KDM2B: variants seen among roughly 807,000 people sequenced by gnomAD.
KDM2B encodes lysine-specific demethylase 2B.
In KDM2B, 26 loss-of-function variants were observed where a neutral mutation model predicts 150.0. The observed-to-expected ratio is 0.17, with a 90% CI of 0.13 to 0.24. The LOEUF is 0.24. Ranked by LOEUF, KDM2B falls within the 10% of genes least tolerant of loss-of-function variation. The pLI is 1.00. For missense variants in KDM2B, 1,265 were observed against 1,816.9 expected (o/e 0.70, Z 5.52); for synonymous variants, 734 against 729.5 (o/e 1.01, Z -0.10).
intron 12 of KDM2B, among the ~76,000 whole-genome samples, chr12:121,487,351 G>C (rs1015207772): frequency 1.3e-5 from 2 of 152,152 alleles, no homozygotes; most frequent in African/African-American, 4.8e-5. Context: ...CCAGACTCCA[G>C]ACTCCATAAA....
chr12:121,545,089 A>C (rs1888921755), intron 6 of KDM2B, among the ~76,000 whole-genome samples: 1 of 152,128 alleles, frequency 6.6e-6, no homozygotes, highest in Admixed American at 6.6e-5. Context: ...TGAAAGCTCC[A>C]TGATTTCTAG....
At chr12:121,501,474 C>A (rs1555301918) in intron 11 of KDM2B, among the ~76,000 whole-genome samples, 1 of 152,120 alleles carries the variant, frequency 6.6e-6, no homozygotes, top group Non-Finnish European at 1.5e-5. Flanking sequence ...CCAAGGAATA[C>A]CAAGAGCTGC....
Position 121,444,066 on chromosome 12 carries a change from G to A in KDM2B, c.2397C>T (p.His799=), listed in dbSNP as rs782738460. ...TCTCGTATTTCCGCTTCTTCCTCAG[G>A]TGCACGTCGTCAGACTTTCTGCGCA... is the stretch of plus-strand genomic sequence containing the variant. ...GLLRRKSDDV[H]LRKKRKYEKP... Residue 799 remains histidine (H), a synonymous_variant, in exon 16 of 23, where the codon CAC becomes CAT. Coordinates refer to ENST00000377071, the MANE Select transcript of KDM2B (RefSeq NM_032590.5). The A allele has an allele frequency of 3.7e-6, 6 of 1,613,804 alleles. No homozygotes were observed. The highest frequency in any genetic ancestry group is 5.1e-6 in the Non-Finnish European group (6 of 1,179,988).
intron 4 of KDM2B, among the ~76,000 whole-genome samples, chr12:121,573,828 C>A (rs1891302459): frequency 1.3e-5 from 2 of 152,074 alleles, no homozygotes; most frequent in South Asian, 4.2e-4. Context: ...ACCTCATGAT[C>A]CACCCGCCTC....
intron 8 of KDM2B, among the ~76,000 whole-genome samples, chr12:121,530,665 A>G (rs1409111297): frequency 1.3e-5 from 2 of 152,014 alleles, no homozygotes; most frequent in Non-Finnish European, 2.9e-5. Context: ...CCAGGACCTA[A>G]CTGGACTCCT....
intron 19 of KDM2B, among the ~76,000 whole-genome samples, chr12:121,441,770 C>T (rs782438583): frequency 6.6e-6 from 1 of 152,186 alleles, no homozygotes; most frequent in Non-Finnish European, 1.5e-5. Context: ...CTCTACCGGC[C>T]GTTCCTCCAA....
intron 4 of KDM2B, among the ~76,000 whole-genome samples, chr12:121,553,238 A>G (rs1889649451): frequency 6.6e-6 from 1 of 151,534 alleles, no homozygotes; most frequent in Non-Finnish European, 1.5e-5. Flanking sequence ...CTCAAAAAAA[A>G]AAAAGAAAGA....
chr12:121,510,585 G>A (rs1885499400), intron 10 of KDM2B, among the ~76,000 whole-genome samples: 1 of 152,136 alleles, frequency 6.6e-6, no homozygotes, highest in African/African-American at 2.4e-5. Flanking sequence ...TTGAGCCCAG[G>A]AGTTTGAGAC....
chr12:121,516,430 G>A (rs1277654267), intron 9 of KDM2B: 1 of 1,198,724 alleles, frequency 8.3e-7, no homozygotes, highest in Admixed American at 2.5e-5. Context: ...TTCCAAGAGA[G>A]GACTGCGGGA....
At chr12:121,433,333 C>CGCCA (rs1555285967) in intron 22 of KDM2B, 3 of 390,678 alleles carry the variant, frequency 7.7e-6, no homozygotes, top group South Asian at 3.7e-5. Context: ...CCTGCCCGCC[C>CGCCA]GCCAGCCTGT....
At chr12:121,579,172 G>A (rs1380536683) in intron 1 of KDM2B, among the ~76,000 whole-genome samples, 2 of 152,254 alleles carry the variant, frequency 1.3e-5, no homozygotes, top group South Asian at 2.1e-4. Flanking sequence ...ACTCCCCTCC[G>A]GTGTCTTCGG....
chr12:121,528,596 A>T (rs1887362297), intron 8 of KDM2B, among the ~76,000 whole-genome samples: 1 of 151,928 alleles, frequency 6.6e-6, no homozygotes, highest in East Asian at 1.9e-4. Flanking sequence ...TAAATAAATA[A>T]ATAAATAAGG....
intron 12 of KDM2B, among the ~76,000 whole-genome samples, chr12:121,493,668 C>T (rs1883601356): frequency 6.6e-6 from 1 of 152,062 alleles, no homozygotes; most frequent in Non-Finnish European, 1.5e-5. Flanking sequence ...CCTTTTCAAG[C>T]CTCAGTTTCC....
intron 8 of KDM2B, among the ~76,000 whole-genome samples, chr12:121,528,431 C>T (rs890426520): frequency 2.6e-5 from 4 of 151,964 alleles, no homozygotes; most frequent in African/African-American, 9.7e-5. Flanking sequence ...CGGTAGCGTA[C>T]GCTTGTAATC....
At chr12:121,448,058 C>T (rs1876576472) in intron 13 of KDM2B, among the ~76,000 whole-genome samples, 2 of 152,042 alleles carry the variant, frequency 1.3e-5, no homozygotes, top group Non-Finnish European at 2.9e-5. Flanking sequence ...ATAGCACATG[C>T]CTGCAATCCC....
At chr12:121,413,135 C>T in the KDM2B span, among the ~76,000 whole-genome samples, 2 of 142,528 alleles carry the variant, frequency 1.4e-5, no homozygotes, top group East Asian at 3.9e-4. Context: ...AAGCGATTCT[C>T]CTGCCTCGGC....
At chr12:121,506,570 G>A (rs1391042464) in intron 11 of KDM2B, among the ~76,000 whole-genome samples, 1 of 152,112 alleles carries the variant, frequency 6.6e-6, no homozygotes, top group Non-Finnish European at 1.5e-5. Flanking sequence ...TGGGGAGGCC[G>A]AGGCAGGCGG....
At chr12:121,437,433 G>A (rs557907566) in intron 22 of KDM2B, among the ~76,000 whole-genome samples, 1 of 152,178 alleles carries the variant, frequency 6.6e-6, no homozygotes, top group African/African-American at 2.4e-5. Flanking sequence ...GTGGGGAGTG[G>A]GAGGGAAGGA....
Position 121,573,778 on chromosome 12 carries a change from G to A in KDM2B, c.397+769C>T, listed in dbSNP as rs149481867. 6.2e-4 allele frequency among the ~76,000 whole-genome samples: 94 copies of A among 151,806 alleles called. 1 individual carries two copies. The East Asian group carries it at 6.2e-3, about 10-fold the overall frequency. On this transcript the variant is annotated intron_variant, in intron 4 of 22. Transcript: ENST00000377071. ...AATTTTTTGTATTTTTAGTAGAGAC[G>A]GGGTTTCACTGTGTTAGCCAGGATG... is the stretch of plus-strand genomic sequence containing the variant.
Sources: gnomAD v4.1 joint callset for allele counts (sites outside exome capture counted in the v4.1 genomes callset) on GRCh38, gnomAD v4.1.1 for gene constraint, MANE v1.5 for transcripts, NCBI Gene and HGNC (gene_info 2026-07-23, HGNC 2026-07-21) for gene names.